INTS6: variants seen among roughly 807,000 people sequenced by gnomAD.
The protein encoded by INTS6 is integrator complex subunit 6, also known as DEAD box protein.
A neutral mutation model predicts 104.9 loss-of-function variants in INTS6; 16 were observed. That is an observed-to-expected ratio of 0.15 (90% CI 0.10 to 0.23). INTS6 has a LOEUF of 0.23. INTS6 is among the 10% of genes least tolerant of loss of function. The pLI is 1.00. For synonymous variants in INTS6, 324 were observed against 358.7 expected, an observed-to-expected ratio of 0.90 and a Z score of 1.09; for missense variants, 584 against 1,062.8, an observed-to-expected ratio of 0.55 and a Z score of 6.26.
At chr13:51,403,869 A>C (rs747412288) in intron 4 of INTS6, among the ~76,000 whole-genome samples, 1 of 152,068 alleles carries the variant, frequency 6.6e-6, no homozygotes, top group Non-Finnish European at 1.5e-5. Flanking sequence ...AAAGTAAAAG[A>C]GATGCAAAGC....
At chr13:51,351,503 G>C (rs1020238976), downstream of INTS6, among the ~76,000 whole-genome samples, 1 of 151,994 alleles carries the variant, frequency 6.6e-6, no homozygotes, top group Non-Finnish European at 1.5e-5. Context: ...TTTTATTATT[G>C]AGTTGTAATA....
intron 3 of INTS6, among the ~76,000 whole-genome samples, chr13:51,354,682 G>A (rs1955453247): frequency 2.6e-5 from 4 of 152,102 alleles, no homozygotes. Flanking sequence ...ATAGGAAGCA[G>A]AATGTTCTAT....
intron 4 of INTS6, among the ~76,000 whole-genome samples, chr13:51,412,284 C>T (rs1164307455): frequency 1.3e-5 from 2 of 152,074 alleles, no homozygotes; most frequent in Admixed American, 6.5e-5. Context: ...ATTGCTGTTT[C>T]ATTATATATA....
the INTS6 span, chr13:51,347,188 C>G: frequency 6.2e-7 from 1 of 1,613,970 alleles, no homozygotes; most frequent in Non-Finnish European, 8.5e-7. Flanking sequence ...CCTATGGCCT[C>G]GTCCTTCAGG....
chr13:51,414,467 T>C (rs1956745767), intron 4 of INTS6, among the ~76,000 whole-genome samples: 1 of 152,178 alleles, frequency 6.6e-6, no homozygotes, highest in Admixed American at 6.5e-5. Flanking sequence ...AGGCACTGTA[T>C]GTGTGTTAAG....
the INTS6 span, chr13:51,348,227 A>C: frequency 1.3e-6 from 2 of 1,592,076 alleles, no homozygotes; most frequent in Non-Finnish European, 1.7e-6. Flanking sequence ...GTTCCAGGAC[A>C]CTGCAGGCCA....
rs764146491 is a variant in INTS6, at chr13:51,356,373, C to T, written n.431-2037G>A. On this transcript the variant is annotated intron_variant and non_coding_transcript_variant, in intron 3 of 3. Coordinates refer to the INTS6 transcript ENST00000476666. ...AAAAGATTGGAGGGCAAGGAAAGAG[C>T]AAGGGATGAAGAACTTAAGAGAATT... Among the ~76,000 whole-genome samples, 18 of 152,024 alleles carry T rather than the reference C, an allele frequency of 1.2e-4. 1 individual carries two copies. Among genetic ancestry groups the T allele is most frequent in the Admixed American group, 3.3e-4 (5 of 15,244 alleles).
At chr13:51,350,748 T>C (rs535278515), downstream of INTS6, among the ~76,000 whole-genome samples, 4 of 152,292 alleles carry the variant, frequency 2.6e-5, no homozygotes, top group Middle Eastern at 3.4e-3. Context: ...CAGAACCTTT[T>C]CATCACCTCA....
chr13:51,426,252 C>A (rs969799671), intron 4 of INTS6, among the ~76,000 whole-genome samples: 5 of 152,102 alleles, frequency 3.3e-5, no homozygotes, highest in Admixed American at 1.3e-4. Flanking sequence ...AGTATTCCTA[C>A]ATTTTTCTGA....
intron 4 of INTS6, among the ~76,000 whole-genome samples, chr13:51,400,649 AG>A (rs1956419508): frequency 2.0e-5 from 3 of 152,340 alleles, no homozygotes; most frequent in South Asian, 4.1e-4. Flanking sequence ...ATTACATGGA[AG>A]GAAAAAAAGG....
At chr13:51,402,279 G>A (rs1436286229) in intron 4 of INTS6, among the ~76,000 whole-genome samples, 5 of 152,176 alleles carry the variant, frequency 3.3e-5, no homozygotes, top group Admixed American at 6.5e-5. Context: ...CCTTTTCAGA[G>A]ATGAACTGTA....
intron 3 of INTS6, among the ~76,000 whole-genome samples, chr13:51,355,758 T>C (rs960941524): frequency 6.6e-6 from 1 of 152,162 alleles, no homozygotes; most frequent in African/African-American, 2.4e-5. Flanking sequence ...ATATCAAATA[T>C]AAACAGGGAG....
the INTS6 span, chr13:51,340,853 A>G: frequency 1.8e-6 from 1 of 568,110 alleles, no homozygotes; most frequent in Non-Finnish European, 3.1e-6. Flanking sequence ...TGGCTGCCAA[A>G]GGACCACAGT....
the INTS6 span, among the ~76,000 whole-genome samples, chr13:51,346,509 T>A: frequency 6.6e-6 from 1 of 152,292 alleles, no homozygotes; most frequent in East Asian, 1.9e-4. Flanking sequence ...TATAAACACA[T>A]ATCAATTTGC....
chr13:51,341,625 G>A, the INTS6 span, among the ~76,000 whole-genome samples: 1 of 152,172 alleles, frequency 6.6e-6, no homozygotes, highest in East Asian at 1.9e-4. Context: ...GAATTTTAAG[G>A]TTCCCTTCTA....
chr13:51,341,385 C>T, the INTS6 span: 9 of 1,534,420 alleles, frequency 5.9e-6, no homozygotes, highest in African/African-American at 2.7e-5. Flanking sequence ...ACTTACCCTC[C>T]TGTTCACACT....
chr13:51,405,529 A>G (rs555803818), intron 4 of INTS6, among the ~76,000 whole-genome samples: 69 of 152,176 alleles, frequency 4.5e-4, no homozygotes, highest in African/African-American at 1.6e-3. Flanking sequence ...TTTTTTCATA[A>G]ACAACTCTTA....
intron 4 of INTS6, among the ~76,000 whole-genome samples, chr13:51,426,400 C>A (rs1956986509): frequency 6.6e-6 from 1 of 151,978 alleles, no homozygotes; most frequent in African/African-American, 2.4e-5. Flanking sequence ...GGGCTTCTTC[C>A]TAAAATTCAC....
chr13:51,430,165 G>A, intron 4 of INTS6, 129 bp downstream of exon 4: 1 of 711,100 alleles, frequency 1.4e-6, no homozygotes. Context: ...ATGGGCCATA[G>A]GAGACAGATG....
Sources: gnomAD v4.1 joint callset for allele counts (sites outside exome capture counted in the v4.1 genomes callset) on GRCh38, gnomAD v4.1.1 for gene constraint, MANE v1.5 for transcripts, NCBI Gene and HGNC (gene_info 2026-07-23, HGNC 2026-07-21) for gene names.